Variants in PTBP3 observed in about 807,000 individuals in gnomAD.
PTBP3 encodes polypyrimidine tract-binding protein 3.
In PTBP3, 20 loss-of-function variants were observed where a neutral mutation model predicts 58.7. That is an observed-to-expected ratio of 0.34 (90% CI 0.24 to 0.50). PTBP3 has a LOEUF of 0.50. Ranked by LOEUF, PTBP3 falls within the 20% of genes least tolerant of loss-of-function variation. The pLI, the probability that PTBP3 is intolerant of heterozygous loss-of-function variation, is 0.98. For missense variants in PTBP3, 509 were observed against 637.2 expected (o/e 0.80, Z 2.17); for synonymous variants, 185 against 219.8 (o/e 0.84, Z 1.40).
intron 1 of PTBP3, among the ~76,000 whole-genome samples, chr9:112,331,124 CACG>C (rs950791040): frequency 1.3e-5 from 2 of 150,070 alleles, no homozygotes; most frequent in East Asian, 2.0e-4. Flanking sequence ...CACACACACA[CACG>C]AGAGACAGTT....
At chr9:112,265,241 G>A (rs375865623) in intron 4 of PTBP3, among the ~76,000 whole-genome samples, 1 of 151,916 alleles carries the variant, frequency 6.6e-6, no homozygotes, top group Non-Finnish European at 1.5e-5. Flanking sequence ...AGTGGCTCAC[G>A]CCCATAATCC....
At chr9:112,244,933 T>G (rs1243364021) in intron 7 of PTBP3, among the ~76,000 whole-genome samples, 1 of 152,140 alleles carries the variant, frequency 6.6e-6, no homozygotes, top group Non-Finnish European at 1.5e-5. Context: ...AAAAAAGACT[T>G]TAGCAGAGAT....
intron 4 of PTBP3, among the ~76,000 whole-genome samples, chr9:112,265,199 C>T (rs896889964): frequency 6.6e-6 from 1 of 151,916 alleles, no homozygotes; most frequent in African/African-American, 2.4e-5. Flanking sequence ...AGATCTTGCT[C>T]TGCAATACAT....
chr9:112,302,050 T>C (rs1261499191), intron 1 of PTBP3, among the ~76,000 whole-genome samples: 1 of 152,148 alleles, frequency 6.6e-6, no homozygotes, highest in African/African-American at 2.4e-5. Context: ...TCCTCAACAC[T>C]GTGCTTCTGT....
chr9:112,329,670 A>T (rs1830289409), intron 1 of PTBP3, among the ~76,000 whole-genome samples: 1 of 152,132 alleles, frequency 6.6e-6, no homozygotes, highest in African/African-American at 2.4e-5. Context: ...CTAAAATGGG[A>T]ATACTGATTA....
chr9:112,282,157 G>A (rs188637134), intron 2 of PTBP3, among the ~76,000 whole-genome samples: 12 of 152,270 alleles, frequency 7.9e-5, no homozygotes, highest in African/African-American at 2.4e-4. Context: ...ATCACATAGC[G>A]AGTTAGGGCT....
intron 1 of PTBP3, chr9:112,332,677 TTA>T: frequency 7.2e-7 from 1 of 1,386,212 alleles, no homozygotes; most frequent in Non-Finnish European, 9.8e-7. Flanking sequence ...AGAGAACAGT[TTA>T]TATACATAGA....
At chr9:112,251,178 A>G in intron 6 of PTBP3, 75 bp from the exon 7 acceptor site, 2 of 1,241,826 alleles carry the variant, frequency 1.6e-6, no homozygotes, top group Middle Eastern at 2.7e-4. Context: ...ACTTTGACAA[A>G]GAGTGGCAAT....
chr9:112,276,136 G>T, intron 2 of PTBP3, 123 bp from the exon 3 acceptor site: 1 of 778,906 alleles, frequency 1.3e-6, no homozygotes, highest in Non-Finnish European at 2.1e-6. Flanking sequence ...GGAAACGTGG[G>T]GCTGATGGGG....
At chr9:112,345,382 T>C in the PTBP3 span, among the ~76,000 whole-genome samples, 3 of 47,540 alleles carry the variant, frequency 6.3e-5, no homozygotes, top group South Asian at 2.0e-3. Flanking sequence ...GAAAAAAAAT[T>C]TTTTTTTTTT....
Position 112,221,992 on chromosome 9 carries a change from C to T in PTBP3, c.*1859G>A, listed in dbSNP as rs1349231502. The T allele has an allele frequency of 1.1e-6, 1 of 912,768 alleles. No homozygotes were observed. Among genetic ancestry groups the T allele is most frequent in the African/African-American group, 1.8e-5 (1 of 55,546 alleles). The allele number at this position is 912,768 out of a possible 1,614,324, so 56.5% of individuals were successfully genotyped here. A position where few individuals can be genotyped will look rare whatever the true frequency, so the allele number is the denominator to read the frequency against. The stretch of plus-strand genomic sequence containing the variant: ...TCACAAATGTGATCATAGCGCACTG[C>T]AGCCTTGAACTCCTGGGCTCAAGTG... On this transcript the variant is annotated 3_prime_UTR_variant, in exon 14 of 14. Coordinates refer to ENST00000374257, the MANE Select transcript of PTBP3 (RefSeq NM_001163788.4).
rs1835266132 is a variant in PTBP3 at position 112,232,102 on chromosome 9, A to C, written c.1017T>G (p.Pro339=). The stretch of plus-strand genomic sequence containing the variant: ...CATATAATACTTTTCAACTCACATC[A>C]GGATTGAGATTTGTGACGAGTAGAA... ...NSVLLVTNLN[P]DLITPHGLFI... is the part of the protein sequence containing the mutation. The change falls in exon 9 of 14, where the codon CCT becomes CCG. Residue 339 remains proline (P), a synonymous_variant. Transcript: ENST00000374257. The C allele has an allele frequency of 6.2e-7, 1 of 1,608,942 alleles. No individual in the cohort carries two copies. The highest frequency in any genetic ancestry group is 8.5e-7 in the Non-Finnish European group (1 of 1,178,578).
At chr9:112,242,450 C>T (rs1483742844) in intron 7 of PTBP3, 1 of 152,070 alleles carries the variant, frequency 6.6e-6, no homozygotes, top group Non-Finnish European at 1.5e-5. Flanking sequence ...ATGGTTTGTG[C>T]TTTCTGTGGT....
chr9:112,262,619 G>A lies in PTBP3; in HGVS notation c.352-20C>T. On this transcript the variant is annotated intron_variant, in intron 4 of 13. Transcript: ENST00000374257. ...GGCTCGCTATAGAACAACCCAAAAT[G>A]AGAACTTTTGATTATACAGACGCAT... 1.3e-6 allele frequency: 2 copies of A among 1,530,118 alleles called. No individual in the cohort carries two copies. Among genetic ancestry groups the A allele is most frequent in the Non-Finnish European group, 1.8e-6 (2 of 1,140,484 alleles). The allele number at this position is 1,530,118 out of a possible 1,614,324, so 94.8% of individuals were successfully genotyped here. A position where few individuals can be genotyped will look rare whatever the true frequency, so the allele number is the denominator to read the frequency against.
At chr9:112,283,931 T>C (rs1827990458) in intron 2 of PTBP3, among the ~76,000 whole-genome samples, 1 of 152,192 alleles carries the variant, frequency 6.6e-6, no homozygotes, top group Non-Finnish European at 1.5e-5. Context: ...TAAGCCTTGA[T>C]AGCTTCCATG....
the PTBP3 span, among the ~76,000 whole-genome samples, chr9:112,359,988 C>A: frequency 6.6e-6 from 1 of 152,174 alleles, no homozygotes; most frequent in Non-Finnish European, 1.5e-5. Flanking sequence ...TAAAGAGGAA[C>A]TTTCAGTTTC....
chr9:112,286,710 C>A (rs1828135804), intron 2 of PTBP3, among the ~76,000 whole-genome samples: 1 of 152,180 alleles, frequency 6.6e-6, no homozygotes, highest in Non-Finnish European at 1.5e-5. Context: ...GGAAAAGTCA[C>A]ATATTCACAT....
intron 13 of PTBP3, 58 bp downstream of exon 13, chr9:112,224,075 T>A: frequency 6.4e-7 from 1 of 1,550,620 alleles, no homozygotes; most frequent in Non-Finnish European, 8.8e-7. Context: ...GAACTACCTT[T>A]AAAATTTGCA....
chr9:112,345,040 G>A, the PTBP3 span, among the ~76,000 whole-genome samples: 1 of 152,108 alleles, frequency 6.6e-6, no homozygotes, highest in Non-Finnish European at 1.5e-5. Flanking sequence ...GGCTGAGGCA[G>A]GAGAATTGCT....
Sources: allele counts gnomAD v4.1 joint callset (sites outside exome capture counted in the v4.1 genomes callset), GRCh38; gene constraint gnomAD v4.1.1; transcripts MANE v1.5; gene names NCBI Gene and HGNC (gene_info 2026-07-23, HGNC 2026-07-21).